NOC2L: variants seen among roughly 807,000 people sequenced by gnomAD.
NOC2L encodes the protein nucleolar complex protein 2 homolog.
A neutral mutation model predicts 94.2 loss-of-function variants in NOC2L; 101 were observed. The ratio of observed to expected loss-of-function variants is 1.07; its 90% CI spans 0.91 to 1.26. The LOEUF (loss-of-function observed/expected upper bound fraction) is 1.26. Among genes scored for constraint, NOC2L ranks in the 50% most tolerant of loss-of-function variants. The probability of loss-of-function intolerance (pLI) is 0.00; values close to 1 mark genes in which losing one functional copy is unlikely to be tolerated. For synonymous variants in NOC2L, 531 were observed against 413.4 expected, an observed-to-expected ratio of 1.28 and a Z score of -3.45; for missense variants, 1,076 against 980.1, an observed-to-expected ratio of 1.10 and a Z score of -1.31.
chr1:956,261 A>G, intron 4 of NOC2L, 46 bp from the exon 5 acceptor site: 3 of 1,605,102 alleles, frequency 1.9e-6, no homozygotes, highest in South Asian at 1.1e-5. Context: ...CTGAGACTGC[A>G]CTTGGCAGAG....
Position 944,506 on chromosome 1 carries a change from A to ACCAGCCCAGC in NOC2L, c.*178_*187dup, listed in dbSNP as rs534332180. The stretch of plus-strand genomic sequence containing the variant: ...ACAGCTGTGGGGCTTCAGCAGCCAC[A>ACCAGCCCAGC]CCAGCCCAGCCCAGCCCAGCTCTCG... On this transcript the variant is annotated 3_prime_UTR_variant, in exon 19 of 19. Coordinates refer to ENST00000327044, the MANE Select transcript of NOC2L (RefSeq NM_015658.4). 3.3e-5 allele frequency: 21 copies of ACCAGCCCAGC among 636,328 alleles called. No individual in the cohort carries two copies. Among genetic ancestry groups the ACCAGCCCAGC allele is most frequent in the African/African-American group, 2.6e-4 (14 of 53,308 alleles). 39.4% of individuals were successfully genotyped at this position (636,328 alleles called of 1,614,324 possible).
rs74047418 is a variant in NOC2L, at chr1:945,122, C to T, written c.2078G>A (p.Arg693Gln). The T allele has an allele frequency of 1.4e-3, 2,236 of 1,612,294 alleles. No individual in the cohort carries two copies. Among genetic ancestry groups the T allele is most frequent in the African/African-American group, 2.7e-3 (203 of 74,980 alleles). Reference sequence around the variant, plus strand: ...CTCTTCATCGTCTTCCACCCCATGCCGAGTGCTCAGGGGCCTCAGTATCCC... The same window carrying T: ...CTCTTCATCGTCTTCCACCCCATGCTGAGTGCTCAGGGGCCTCAGTATCCC... The part of the protein sequence containing the change: ...ERGILRPLST[R>Q]HGVEDDEEDE... The change falls in exon 18 of 19, where the codon CGG becomes CAG. Residue 693 changes from arginine to glutamine, a missense_variant. Transcript: ENST00000327044.
intron 12 of NOC2L, 69 bp from the exon 13 acceptor site, chr1:948,672 C>G (rs1569938868): frequency 7.9e-7 from 1 of 1,259,576 alleles, no homozygotes; most frequent in South Asian, 1.2e-5. Context: ...CCTGGCTGCA[C>G]CCTGGTCCCC....
At chr1:951,863 C>T (rs1256231768) in intron 11 of NOC2L, 137 bp downstream of exon 11, 44 of 981,004 alleles carry the variant, frequency 4.5e-5, no homozygotes. Flanking sequence ...GTACAGGGAC[C>T]CCAGCCCTTC....
At chr1:951,659 T>C (rs1226354230) in intron 11 of NOC2L, among the ~76,000 whole-genome samples, 2 of 152,196 alleles carry the variant, frequency 1.3e-5, no homozygotes, top group Non-Finnish European at 1.5e-5. Context: ...ACACCCAAAA[T>C]GCAGTTCACT....
In NOC2L at chr1:946,248, G is replaced by A. The variant is rs554584371; in HGVS notation, c.1842C>T (p.Pro614=). ...WEKLTREEGT[P]LTLYYSHWRK... ...GCCAGTGGCTGTAGTACAAGGTCAG[G>A]GGTGTCCCCTCTTCCCGGGTCAGCT... Residue 614 remains proline, a synonymous_variant, in exon 16 of 19, where the codon CCC becomes CCT. Coordinates refer to ENST00000327044, the MANE Select transcript of NOC2L (RefSeq NM_015658.4). The A allele has an allele frequency of 6.2e-6, 10 of 1,613,764 alleles. No individual in the cohort carries two copies. In the African/African-American group the frequency reaches 8.0e-5, roughly 13 times the overall value.
In NOC2L at chr1:959,080, G is replaced by A; in HGVS notation, c.28C>T (p.Arg10Cys). 1 of 1,608,738 alleles carries A rather than the reference G, an allele frequency of 6.2e-7. No individual in the cohort carries two copies. Among genetic ancestry groups the A allele is most frequent in the East Asian group, 2.2e-5 (1 of 44,826 alleles). Residue 10 changes from arginine to cysteine, a missense_variant and splice_region_variant, in exon 2 of 19, where the codon CGC becomes TGC. Physicochemically the swap from Arg to Cys is radical, Grantham distance 180. Coordinates refer to ENST00000327044, the MANE Select transcript of NOC2L (RefSeq NM_015658.4). MAAAGSRKR[R>C]LAELTVDEFL... Reference sequence around the variant, plus strand: ...TCGTCCACCGTCAGCTCCGCCAGGCGCCTGCGGGTCACGCAGGAGTCACAG... The same window carrying A: ...TCGTCCACCGTCAGCTCCGCCAGGCACCTGCGGGTCACGCAGGAGTCACAG...
rs759940488 is a variant in NOC2L, at chr1:945,085, C to T, written c.2115G>A (p.Glu705=). ...GVEDDEEDEE[E]GEEDSSNSED... is the part of the protein sequence containing the mutation. Reference sequence around the variant, plus strand: ...CCGAGTTGCTGCTGTCCTCCTCGCCCTCCTCCTCGTCCTCTTCATCGTCTT... The same window carrying T: ...CCGAGTTGCTGCTGTCCTCCTCGCCTTCCTCCTCGTCCTCTTCATCGTCTT... The change falls in exon 18 of 19, where the codon GAG becomes GAA. Residue 705 remains glutamate (E), a synonymous_variant. Coordinates refer to ENST00000327044, the MANE Select transcript of NOC2L (RefSeq NM_015658.4). The T allele has an allele frequency of 3.7e-6, 6 of 1,611,980 alleles. No individual in the cohort carries two copies. In the South Asian group the frequency reaches 5.6e-5, roughly 15 times the overall value.
chr1:956,756 T>C, intron 4 of NOC2L, 138 bp downstream of exon 4: 1 of 1,258,788 alleles, frequency 7.9e-7, no homozygotes, highest in Admixed American at 1.9e-5. Flanking sequence ...CAGCACAGCC[T>C]CAGGCGCCTC....
In NOC2L at chr1:944,297, G is replaced by C; in HGVS notation, c.*397C>G. 1 of 1,399,238 alleles carries C rather than the reference G, an allele frequency of 7.1e-7. No homozygotes were observed. 86.7% of individuals were successfully genotyped at this position (1,399,238 alleles called of 1,614,324 possible). On this transcript the variant is annotated 3_prime_UTR_variant, in exon 19 of 19. Coordinates refer to ENST00000327044, the MANE Select transcript of NOC2L (RefSeq NM_015658.4). ...AAGAAAATGTGACTTCAAAGGAAAGGAACAAATTTTCAAAGACTTGGGGGA... is the reference window on the plus strand; with the variant it reads ...AAGAAAATGTGACTTCAAAGGAAAGCAACAAATTTTCAAAGACTTGGGGGA...
chr1:952,077 G>A lies in NOC2L; in HGVS notation c.1254C>T (p.Val418=). Residue 418 remains valine, a synonymous_variant, in exon 11 of 19, where the codon GTC becomes GTT. Transcript: ENST00000327044. The part of the protein sequence containing the change: ...YVHCLFLWCR[V]LSTAGPSEAL... ...CTTCGCTGGGGCCCGCAGTGCTCAGGACCCGGCACCACAGGAAGAGGCAGT... is the reference window on the plus strand; with the variant it reads ...CTTCGCTGGGGCCCGCAGTGCTCAGAACCCGGCACCACAGGAAGAGGCAGT... The A allele has an allele frequency of 3.7e-6, 6 of 1,613,736 alleles. No homozygotes were observed. Among genetic ancestry groups the A allele is most frequent in the Non-Finnish European group, 5.1e-6 (6 of 1,180,010 alleles).
chr1:958,705 T>A, intron 2 of NOC2L: 2 of 698,634 alleles, frequency 2.9e-6, no homozygotes, highest in Non-Finnish European at 5.2e-6. Flanking sequence ...CGGGAAGAGA[T>A]TTTTGCACAA....
At position 955,992 on chromosome 1, in the gene NOC2L, A is replaced by G. The variant is rs1234047290; in HGVS notation, c.629T>C (p.Phe210Ser). 1 of 1,613,984 alleles carries G rather than the reference A, an allele frequency of 6.2e-7. No homozygotes were observed. The highest frequency in any genetic ancestry group is 2.2e-5 in the East Asian group (1 of 44,870). ...ACAGCCAATGAGGTCTCTGATGCAG[A>G]AGGTAACCAGAGCATTGAATGCTGC... ...DSAAFNALVT[F>S]CIRDLIGCLQ... is the part of the protein sequence containing the mutation. The change falls in exon 6 of 19, where the codon TTC (phenylalanine) becomes TCC (serine). Residue 210 changes from phenylalanine (F) to serine (S), a missense_variant. By Grantham distance (155) the Phe-to-Ser change is radical. Coordinates refer to ENST00000327044, the MANE Select transcript of NOC2L (RefSeq NM_015658.4).
intron 11 of NOC2L, among the ~76,000 whole-genome samples, chr1:951,546 G>T (rs1043886572): frequency 1.3e-5 from 2 of 152,158 alleles, no homozygotes; most frequent in African/African-American, 4.8e-5. Context: ...GAGTTTCTAA[G>T]GCTCAGCCAG....
At position 944,249 on chromosome 1, in the gene NOC2L, G is replaced by C. The variant is rs1453678370; in HGVS notation, c.*445C>G. ...CCACCGCTTTATTTCTTTCGGTTTCGGATGCAAAACAAAAAATTTTAAAAG... is the reference window on the plus strand; with the variant it reads ...CCACCGCTTTATTTCTTTCGGTTTCCGATGCAAAACAAAAAATTTTAAAAG... On this transcript the variant is annotated 3_prime_UTR_variant, in exon 19 of 19. Coordinates refer to ENST00000327044, the MANE Select transcript of NOC2L (RefSeq NM_015658.4). The C allele has an allele frequency of 1.1e-5, 16 of 1,453,138 alleles. No homozygotes were observed. The highest frequency in any genetic ancestry group is 7.9e-5 in the Admixed American group (3 of 37,800). 90.0% of individuals were successfully genotyped at this position (1,453,138 alleles called of 1,614,324 possible).
At chr1:956,462 G>A (rs1206051067) in intron 4 of NOC2L, among the ~76,000 whole-genome samples, 1 of 152,114 alleles carries the variant, frequency 6.6e-6, no homozygotes, top group Non-Finnish European at 1.5e-5. Context: ...CTGGACTATG[G>A]CCACCTCCAG....
rs912942005 is a variant in NOC2L, at chr1:948,594, G to T, written c.1453C>A (p.Gln485Lys). The change falls in exon 13 of 19, where the codon CAG (glutamine) becomes AAG (lysine). Residue 485 changes from glutamine to lysine, a missense_variant. By Grantham distance (53) the Gln-to-Lys change is moderately conservative. Coordinates refer to ENST00000327044, the MANE Select transcript of NOC2L (RefSeq NM_015658.4). ...VLPFILEMFQ[Q>K]VDFNRKPGRM... ...CCTGGCTTCCTGTTGAAGTCGACCT[G>T]CTGGAACATCTGCCCCAAGGGCCGT... 6.8e-7 allele frequency: 1 copy of T among 1,475,554 alleles called. No homozygotes were observed. The allele number at this position is 1,475,554 out of a possible 1,614,324, so 91.4% of individuals were successfully genotyped here.
rs199568295 is a variant in NOC2L at position 959,224 on chromosome 1, C to G, written c.17G>C (p.Ser6Thr). Residue 6 changes from serine (S) to threonine (T), a missense_variant, in exon 1 of 19, where the codon AGC becomes ACC. This residue lies in a region of NOC2L where 457 missense variants were observed against 386.0 expected (regional missense o/e 1.18). Transcript: ENST00000327044. MAAAG[S>T]RKRRLAELTV... Reference sequence around the variant, plus strand: ...CGGACCCGCGGCTTACCTCTTGCGGCTCCCCGCAGCTGCCATGACACCAAC... The same window carrying G: ...CGGACCCGCGGCTTACCTCTTGCGGGTCCCCGCAGCTGCCATGACACCAAC... The G allele has an allele frequency of 4.4e-6, 7 of 1,607,108 alleles. No homozygotes were observed. Among genetic ancestry groups the G allele is most frequent in the Admixed American group, 1.7e-5 (1 of 59,598 alleles).
intron 18 of NOC2L, 51 bp downstream of exon 18, chr1:945,006 C>G: frequency 6.2e-7 from 1 of 1,612,758 alleles, no homozygotes; most frequent in African/African-American, 1.3e-5. Context: ...GCTCTGCCCT[C>G]CCGCCAGATG....
Sources: allele counts gnomAD v4.1 joint callset (sites outside exome capture counted in the v4.1 genomes callset), GRCh38; gene constraint gnomAD v4.1.1; regional missense constraint gnomAD v4.1.1; transcripts MANE v1.5; gene names NCBI Gene and HGNC (gene_info 2026-07-23, HGNC 2026-07-21).